RARA: variants seen among roughly 807,000 people sequenced by gnomAD.
RARA encodes PML-DDX5-RARA fusion.
Under a neutral mutation model 42.8 loss-of-function variants are expected in RARA, and 5 were observed. The observed-to-expected ratio is 0.12, with a 90% CI of 0.06 to 0.25. The LOEUF (loss-of-function observed/expected upper bound fraction) is 0.25, where lower values mean the gene tolerates loss of function less well. RARA is among the 10% of genes least tolerant of loss of function. The pLI is 1.00. For synonymous variants in RARA, 256 were observed against 259.5 expected (o/e 0.99, Z 0.13); for missense variants, 402 against 628.7 (o/e 0.64, Z 3.86).
At chr17:40,347,384 G>A (rs2034301864) in intron 2 of RARA, among the ~76,000 whole-genome samples, 1 of 152,170 alleles carries the variant, frequency 6.6e-6, no homozygotes, top group South Asian at 2.1e-4. Context: ...CCAGGCTTTG[G>A]ACATGGATAG....
At chr17:40,318,079 A>G (rs2033252911) in intron 1 of RARA, among the ~76,000 whole-genome samples, 1 of 152,114 alleles carries the variant, frequency 6.6e-6, no homozygotes, top group Non-Finnish European at 1.5e-5. Flanking sequence ...TTCAACTAGG[A>G]GTGGCTCCTT....
In RARA at chr17:40,341,989, C is replaced by A. The variant is rs538856313; in HGVS notation, c.179-6327C>A. 163 of 1,109,644 alleles carry A rather than the reference C, an allele frequency of 1.5e-4. No individual in the cohort carries two copies. In the South Asian group the frequency reaches 3.0e-3, roughly 20 times the overall value. The allele number at this position is 1,109,644 out of a possible 1,614,324, so 68.7% of individuals were successfully genotyped here. ...CTCCTCCCCCTTCCCAGGCTGCCCC[C>A]ACTTGCCTGTCCACATGCCGCCTCT... is the stretch of plus-strand genomic sequence containing the variant. On this transcript the variant is annotated intron_variant, in intron 2 of 8. Transcript: ENST00000254066.
rs548647740 is a variant in RARA at position 40,351,148 on chromosome 17, C to T, written c.470-762C>T. Reference sequence around the variant, plus strand: ...CCCACTCTCCCTCTCCCTCTCCCTTCTCTCCCCTGCACTTTATTGAATTTG... The same window carrying T: ...CCCACTCTCCCTCTCCCTCTCCCTTTTCTCCCCTGCACTTTATTGAATTTG... On this transcript the variant is annotated intron_variant, in intron 4 of 8. Transcript: ENST00000254066. This position sits in a 1 kb window ranked among gnomAD's most constrained non-coding sequence, Gnocchi z 4.1. Among the ~76,000 whole-genome samples, 1 of 151,692 alleles carries T rather than the reference C, an allele frequency of 6.6e-6. No homozygotes were observed. The highest frequency in any genetic ancestry group is 6.6e-5 in the Admixed American group (1 of 15,248).
intron 2 of RARA, 77 bp downstream of exon 2, chr17:40,331,473 G>A (rs1477443132): frequency 1.5e-5 from 23 of 1,484,804 alleles, no homozygotes; most frequent in East Asian, 4.9e-5. Context: ...CTCTGGGCAC[G>A]TCTGTTCTGC....
In RARA at chr17:40,356,328, T is replaced by C; in HGVS notation, c.*102T>C. On this transcript the variant is annotated 3_prime_UTR_variant, in exon 9 of 9. Coordinates refer to ENST00000254066, the MANE Select transcript of RARA (RefSeq NM_000964.4). Reference sequence around the variant, plus strand: ...GCACCAGCCCTGCCCCCACCTGCCCTCCCGGGCAGTACTGGGGACCTTCCC... The same window carrying C: ...GCACCAGCCCTGCCCCCACCTGCCCCCCCGGGCAGTACTGGGGACCTTCCC... 1 of 1,267,618 alleles carries C rather than the reference T, an allele frequency of 7.9e-7. No homozygotes were observed. The highest frequency in any genetic ancestry group is 1.3e-5 in the South Asian group (1 of 78,740). 78.5% of individuals were successfully genotyped at this position (1,267,618 alleles called of 1,614,324 possible). A position where few individuals can be genotyped will look rare whatever the true frequency, so the allele number is the denominator to read the frequency against.
chr17:40,335,313 CT>C (rs916561433), intron 2 of RARA, among the ~76,000 whole-genome samples: 1 of 151,986 alleles, frequency 6.6e-6, no homozygotes, highest in African/African-American at 2.4e-5. Context: ...ACTGATCTGC[CT>C]TTTTTTGTTC....
At chr17:40,333,703 C>T (rs990584932) in intron 2 of RARA, among the ~76,000 whole-genome samples, 3 of 151,738 alleles carry the variant, frequency 2.0e-5, no homozygotes, top group African/African-American at 7.3e-5. Flanking sequence ...GTGGCATGAT[C>T]ATAGCTCAGT....
At chr17:40,335,384 G>A (rs932098515) in intron 2 of RARA, among the ~76,000 whole-genome samples, 1 of 152,020 alleles carries the variant, frequency 6.6e-6, no homozygotes, top group Admixed American at 6.6e-5. Flanking sequence ...GGCATTTAGT[G>A]CTGAGTTTAA....
chr17:40,332,574 G>A (rs1047150444), intron 2 of RARA, among the ~76,000 whole-genome samples: 8 of 152,286 alleles, frequency 5.3e-5, no homozygotes, highest in Admixed American at 3.3e-4. Context: ...CTCACTGCCC[G>A]CACTGGCTGG....
In RARA at chr17:40,354,191, T is replaced by C; in HGVS notation, c.808-111T>C. ...AGAAAATTCTATCAGACAGCATTGC[T>C]CCGGCCACCTGCCAGGTGGTCCTCC... On this transcript the variant is annotated intron_variant, in intron 6 of 8. Transcript: ENST00000254066. The surrounding 1 kb of genome is among the most constrained non-coding windows in gnomAD (Gnocchi z 4.5). 1.0e-6 allele frequency: 1 copy of C among 1,004,370 alleles called. No individual in the cohort carries two copies. The allele number at this position is 1,004,370 out of a possible 1,614,324, so 62.2% of individuals were successfully genotyped here.
rs989875110 is a variant in RARA at position 40,328,420 on chromosome 17, C to T, written c.-362-2437C>T. 3.3e-5 allele frequency among the ~76,000 whole-genome samples: 5 copies of T among 152,078 alleles called. No homozygotes were observed. The East Asian group carries it at 7.7e-4, about 23-fold the overall frequency. On this transcript the variant is annotated intron_variant, in intron 1 of 8. Transcript: ENST00000254066. ...TCTTTCTTTCCTCTTCTTTTTAAAA[C>T]AGCTTTATTGAGATATAATTCACAT...
In RARA at chr17:40,355,835, C is replaced by T. The variant is rs1017648403; in HGVS notation, c.1172-174C>T. On this transcript the variant is annotated intron_variant, in intron 8 of 8. Coordinates refer to ENST00000254066, the MANE Select transcript of RARA (RefSeq NM_000964.4). This position sits in a 1 kb window ranked among gnomAD's most constrained non-coding sequence, Gnocchi z 4.1. ...GTTCGGGACCACTTTGCCCCATTGCCACCAGCCTCTGGACCTGGGGGCTTA... is the reference window on the plus strand; with the variant it reads ...GTTCGGGACCACTTTGCCCCATTGCTACCAGCCTCTGGACCTGGGGGCTTA... Among the ~76,000 whole-genome samples, 2 of 152,256 alleles carry T rather than the reference C, an allele frequency of 1.3e-5. No individual in the cohort carries two copies. Among genetic ancestry groups the T allele is most frequent in the Non-Finnish European group, 2.9e-5 (2 of 68,042 alleles).
chr17:40,343,079 AG>A (rs1475738994), intron 2 of RARA: 19 of 913,266 alleles, frequency 2.1e-5, no homozygotes, highest in Non-Finnish European at 2.7e-5. Context: ...ATTAGGGCTG[AG>A]GAACTTTGAG....
intron 2 of RARA, chr17:40,342,781 C>T (rs1028168476): frequency 1.2e-6 from 2 of 1,612,818 alleles, no homozygotes; most frequent in Non-Finnish European, 1.7e-6. Flanking sequence ...CAGAACCGGG[C>T]CTGTTTGCTC....
chr17:40,344,151 C>G (rs1030256456), intron 2 of RARA, among the ~76,000 whole-genome samples: 2 of 151,694 alleles, frequency 1.3e-5, no homozygotes, highest in African/African-American at 4.8e-5. Context: ...AAGGACTTAC[C>G]CCACCCCTCT....
At chr17:40,349,629 A>T in intron 3 of RARA, 155 bp from the exon 4 acceptor site, 2 of 881,502 alleles carry the variant, frequency 2.3e-6, no homozygotes, top group Non-Finnish European at 3.4e-6. Context: ...TAGGTGAATC[A>T]TTCTCCCCAG....
At position 40,345,651 on chromosome 17, in the gene RARA, GGTCCTTCTCTAGCCCGA is replaced by G. The variant is rs1278436042; in HGVS notation, c.179-2656_179-2640del. Among the ~76,000 whole-genome samples the G allele has an allele frequency of 6.6e-6, 1 of 152,232 alleles. No individual in the cohort carries two copies. The highest frequency in any genetic ancestry group is 2.4e-5 in the African/African-American group (1 of 41,456). The stretch of plus-strand genomic sequence containing the variant: ...CTGGAACTTTGAGCTGAGAAGGTGT[GGTCCTTCTCTAGCCCGA>G]GTCCTTCTGCAGGAAGAGGAGAGAT... On this transcript the variant is annotated intron_variant, in intron 2 of 8. Transcript: ENST00000254066. The surrounding 1 kb of genome is among the most constrained non-coding windows in gnomAD (Gnocchi z 4.8).
rs1415214923 is a variant in RARA at position 40,320,596 on chromosome 17, A to C, written c.-362-10261A>C. Among the ~76,000 whole-genome samples the C allele has an allele frequency of 6.6e-6, 1 of 152,174 alleles. No homozygotes were observed. Among genetic ancestry groups the C allele is most frequent in the Non-Finnish European group, 1.5e-5 (1 of 68,030 alleles). The stretch of plus-strand genomic sequence containing the variant: ...TTTTCTTCCAGGCCACTCCTTGCTC[A>C]GACTCCAGTCTCAGGTGGGATGGTC... On this transcript the variant is annotated intron_variant, in intron 1 of 8. Coordinates refer to ENST00000254066, the MANE Select transcript of RARA (RefSeq NM_000964.4). This position sits in a 1 kb window ranked among gnomAD's most constrained non-coding sequence, Gnocchi z 4.1.
chr17:40,350,078 T>A, intron 4 of RARA, 153 bp downstream of exon 4: 2 of 1,230,858 alleles, frequency 1.6e-6, no homozygotes, highest in Non-Finnish European at 2.2e-6. Context: ...GGTTTGTGTG[T>A]AGCTGCAAGG....
Sources: allele counts gnomAD v4.1 joint callset (sites outside exome capture counted in the v4.1 genomes callset), GRCh38; gene constraint gnomAD v4.1.1; non-coding constraint Gnocchi (gnomAD v3.1); transcripts MANE v1.5; gene names NCBI Gene and HGNC (gene_info 2026-07-23, HGNC 2026-07-21).